ARIH1: variants seen among roughly 807,000 people sequenced by gnomAD.
ARIH1 encodes ariadne RBR E3 ubiquitin protein ligase 1, also known as E3 ubiquitin-protein ligase ARIH1.
A neutral mutation model predicts 85.0 loss-of-function variants in ARIH1; 8 were observed. The ratio of observed to expected loss-of-function variants is 0.09; its 90% CI spans 0.06 to 0.17. The LOEUF is 0.17. ARIH1 is among the 10% of genes least tolerant of loss of function. The pLI is 1.00. For synonymous variants in ARIH1, 238 were observed against 253.6 expected, an observed-to-expected ratio of 0.94 and a Z score of 0.59; for missense variants, 311 against 718.1, an observed-to-expected ratio of 0.43 and a Z score of 6.48.
At chr15:72,561,460 T>C (rs1195711810) in intron 5 of ARIH1, 23 bp from the exon 6 acceptor site, 1 of 1,521,400 alleles carries the variant, frequency 6.6e-7, no homozygotes, top group Admixed American at 1.8e-5. Context: ...AACTTTCTAA[T>C]CTATTTTTAT....
chr15:72,557,228 A>AT (rs1252539230), intron 5 of ARIH1, among the ~76,000 whole-genome samples: 2 of 151,854 alleles, frequency 1.3e-5, no homozygotes, highest in South Asian at 2.1e-4. Context: ...GGTGTTGAGC[A>AT]TTTTTTTGTA....
chr15:72,525,722 G>T (rs900921784), intron 2 of ARIH1, among the ~76,000 whole-genome samples: 1 of 151,952 alleles, frequency 6.6e-6, no homozygotes, highest in African/African-American at 2.4e-5. Context: ...TCTTCCTTCA[G>T]TTCTCTTGGA....
chr15:72,579,379 G>C (rs989086630), intron 11 of ARIH1, among the ~76,000 whole-genome samples: 1 of 152,084 alleles, frequency 6.6e-6, no homozygotes, highest in African/African-American at 2.4e-5. Flanking sequence ...TGGTTGGGGG[G>C]GGAGCCCAGA....
intron 10 of ARIH1, 80 bp downstream of exon 10, chr15:72,570,387 A>C (rs998255292): frequency 5.2e-6 from 8 of 1,543,446 alleles, no homozygotes; most frequent in Middle Eastern, 1.7e-4. Flanking sequence ...TACCTCATAG[A>C]TATCACCATC....
chr15:72,545,020 A>G, intron 3 of ARIH1, 56 bp downstream of exon 3: 3 of 1,441,372 alleles, frequency 2.1e-6, no homozygotes, highest in South Asian at 1.6e-5. Context: ...AGGGTAAATC[A>G]ACTTCCATTA....
chr15:72,483,601 C>G (rs776390295), intron 1 of ARIH1, among the ~76,000 whole-genome samples: 1 of 152,110 alleles, frequency 6.6e-6, no homozygotes, highest in Non-Finnish European at 1.5e-5. Context: ...GCCTTTCTAT[C>G]CAATCTTTTT....
At chr15:72,517,111 A>G (rs956171208) in intron 1 of ARIH1, among the ~76,000 whole-genome samples, 1 of 152,212 alleles carries the variant, frequency 6.6e-6, no homozygotes, top group African/African-American at 2.4e-5. Flanking sequence ...GTTTTATTTC[A>G]TAGTGGTAAC....
intron 1 of ARIH1, among the ~76,000 whole-genome samples, chr15:72,501,056 T>G (rs532088533): frequency 6.6e-6 from 1 of 152,296 alleles, no homozygotes; most frequent in South Asian, 2.1e-4. Flanking sequence ...CACTATGTAT[T>G]CCTTTGTCAT....
chr15:72,563,578 G>T lies in ARIH1; in HGVS notation c.911+78G>T, dbSNP rs1227508394. ...CCTGTTTATTCTTGGTAGTAAAATA[G>T]CAGAAAAAAAGTGTTTACCTTAGGC... On this transcript the variant is annotated intron_variant, in intron 7 of 13. Transcript: ENST00000379887. The T allele has an allele frequency of 4.7e-6, 6 of 1,283,226 alleles. No homozygotes were observed. The Admixed American group carries it at 7.3e-5, about 16-fold the overall frequency. 79.5% of individuals were successfully genotyped at this position (1,283,226 alleles called of 1,614,324 possible). A position where few individuals can be genotyped will look rare whatever the true frequency, so the allele number is the denominator to read the frequency against.
chr15:72,474,532 A>G lies in ARIH1; in HGVS notation c.-108A>G, dbSNP rs904504840. Reference sequence around the variant, plus strand: ...AGCCGCGGCTCGCGGGGCCGGAGCCAGGCCTGCGTCCGGACATCAGCCGGA... The same window carrying G: ...AGCCGCGGCTCGCGGGGCCGGAGCCGGGCCTGCGTCCGGACATCAGCCGGA... On this transcript the variant is annotated 5_prime_UTR_variant, in exon 1 of 14. Coordinates refer to ENST00000379887, the MANE Select transcript of ARIH1 (RefSeq NM_005744.5). 2.9e-6 allele frequency: 4 copies of G among 1,358,672 alleles called. No individual in the cohort carries two copies. Among genetic ancestry groups the G allele is most frequent in the Non-Finnish European group, 3.9e-6 (4 of 1,038,202 alleles). 84.2% of individuals were successfully genotyped at this position (1,358,672 alleles called of 1,614,324 possible). A position where few individuals can be genotyped will look rare whatever the true frequency, so the allele number is the denominator to read the frequency against.
At chr15:72,481,309 A>G (rs2063815787) in intron 1 of ARIH1, among the ~76,000 whole-genome samples, 1 of 152,160 alleles carries the variant, frequency 6.6e-6, no homozygotes, top group Admixed American at 6.5e-5. Context: ...AAGTTTGAGA[A>G]CTGCTGATGT....
At chr15:72,531,974 C>A (rs1213801867) in intron 2 of ARIH1, among the ~76,000 whole-genome samples, 1 of 152,118 alleles carries the variant, frequency 6.6e-6, no homozygotes, top group Non-Finnish European at 1.5e-5. Flanking sequence ...GAATGTTGTA[C>A]TTTGGAATTT....
chr15:72,556,605 T>G (rs1384339925), intron 5 of ARIH1, among the ~76,000 whole-genome samples: 2 of 152,224 alleles, frequency 1.3e-5, no homozygotes, highest in African/African-American at 2.4e-5. Flanking sequence ...GGTATACATG[T>G]GCAGGTTTGT....
chr15:72,583,398 CCACTGGT>C lies in ARIH1; in HGVS notation c.*108_*114del. 1 of 796,440 alleles carries C rather than the reference CCACTGGT, an allele frequency of 1.3e-6. No homozygotes were observed. Among genetic ancestry groups the C allele is most frequent in the South Asian group, 1.8e-5 (1 of 56,944 alleles). The allele number at this position is 796,440 out of a possible 1,614,324, so 49.3% of individuals were successfully genotyped here. Reference sequence around the variant, plus strand: ...AGGAGGCACTAAGCCTATTCTGACACCACTGGTCTGTAGTACCAGAATTGTTTTGTTA... The same window carrying C: ...AGGAGGCACTAAGCCTATTCTGACACCTGTAGTACCAGAATTGTTTTGTTA... On this transcript the variant is annotated 3_prime_UTR_variant, in exon 14 of 14. Coordinates refer to ENST00000379887, the MANE Select transcript of ARIH1 (RefSeq NM_005744.5).
chr15:72,500,374 TG>T, intron 1 of ARIH1, among the ~76,000 whole-genome samples: 1 of 152,304 alleles, frequency 6.6e-6, no homozygotes, highest in African/African-American at 2.4e-5. Flanking sequence ...ATTACAGGTG[TG>T]AGCCACTTTA....
At chr15:72,580,275 C>T (rs2064290153) in intron 11 of ARIH1, among the ~76,000 whole-genome samples, 1 of 152,150 alleles carries the variant, frequency 6.6e-6, no homozygotes, top group Admixed American at 6.6e-5. Flanking sequence ...TTTTTTGAGG[C>T]TGAGTACTCG....
intron 2 of ARIH1, among the ~76,000 whole-genome samples, chr15:72,529,472 C>G (rs1171480187): frequency 1.3e-5 from 2 of 152,168 alleles, no homozygotes; most frequent in Non-Finnish European, 2.9e-5. Flanking sequence ...TCAAGCAGTC[C>G]TCCTCTCTTG....
chr15:72,508,995 T>G (rs1358641075), intron 1 of ARIH1, among the ~76,000 whole-genome samples: 1 of 123,322 alleles, frequency 8.1e-6, no homozygotes, highest in African/African-American at 3.0e-5. Flanking sequence ...TGCCTGGCCC[T>G]TTTTTTTTTT....
chr15:72,563,258 T>C, intron 6 of ARIH1, 136 bp from the exon 7 acceptor site: 1 of 650,120 alleles, frequency 1.5e-6, no homozygotes, highest in South Asian at 1.9e-5. Flanking sequence ...AAGGTCTTGC[T>C]ATGTTGCCCG....
Sources: allele counts gnomAD v4.1 joint callset (sites outside exome capture counted in the v4.1 genomes callset), GRCh38; gene constraint gnomAD v4.1.1; transcripts MANE v1.5; gene names NCBI Gene and HGNC (gene_info 2026-07-23, HGNC 2026-07-21).